The following IDS variants were observed in gnomAD, a reference collection of about 807,000 sequenced individuals.
IDS encodes the protein iduronate 2-sulfatase, also known as alpha-L-iduronate sulfate sulfatase.
Under a neutral mutation model 33.5 loss-of-function variants are expected in IDS, and 1 was observed. The ratio of observed to expected loss-of-function variants is 0.03; its 90% CI spans 0.01 to 0.14. The LOEUF is 0.14. Ranked by LOEUF, IDS falls within the 10% of genes least tolerant of loss-of-function variation. The pLI, the probability that IDS is intolerant of heterozygous loss-of-function variation, is 1.00. For synonymous variants in IDS, 191 were observed against 184.4 expected (o/e 1.04, Z -0.29); for missense variants, 328 against 448.0 (o/e 0.73, Z 2.42).
In IDS at chrX:149,494,484, G is replaced by A. The variant is rs923175145; in HGVS notation, c.879+1862C>T. Among the ~76,000 whole-genome samples, 3 of 111,673 alleles carry A rather than the reference G, an allele frequency of 2.7e-5. No individual in the cohort carries two copies. The East Asian group carries it at 8.5e-4, about 32-fold the overall frequency. On this transcript the variant is annotated intron_variant, in intron 6 of 8. Coordinates refer to ENST00000340855, the MANE Select transcript of IDS (RefSeq NM_000202.8). The stretch of plus-strand genomic sequence containing the variant: ...GGCTCATGTAGAGCTGAGTTAGAGG[G>A]CTGGAGCTGAAGAGATCCCAGAGCT...
chrX:149,504,906 AAAG>A, intron 1 of IDS, 126 bp downstream of exon 1: 1 of 486,199 alleles, frequency 2.1e-6, no homozygotes, highest in Non-Finnish European at 3.5e-6. Flanking sequence ...ATGATGGATG[AAAG>A]AAGGAATGGT....
chrX:149,487,589 C>A (rs1173679568), intron 7 of IDS, among the ~76,000 whole-genome samples: 6 of 112,253 alleles, frequency 5.3e-5, no homozygotes, highest in South Asian at 7.4e-4. Flanking sequence ...CTGCAACACA[C>A]TCGGCAAATT....
intron 4 of IDS, among the ~76,000 whole-genome samples, chrX:149,498,619 A>G (rs1002984608): frequency 8.8e-6 from 1 of 113,040 alleles, no homozygotes; most frequent in African/African-American, 3.2e-5. Flanking sequence ...AAAAATGCCA[A>G]TTAAAAATGG....
chrX:149,484,967 G>C (rs1195203776), intron 8 of IDS, among the ~76,000 whole-genome samples: 2 of 112,099 alleles, frequency 1.8e-5, no homozygotes, highest in Non-Finnish European at 3.8e-5. Flanking sequence ...TGGCCATGAA[G>C]TGCCCCCACC....
chrX:149,504,378 C>A, intron 1 of IDS, 85 bp from the exon 2 acceptor site: 1 of 1,010,242 alleles, frequency 9.9e-7, no homozygotes. Flanking sequence ...TACTAAGAGG[C>A]CCAAGGCTGG....
intron 6 of IDS, among the ~76,000 whole-genome samples, chrX:149,491,907 G>A (rs2124026025): frequency 8.9e-6 from 1 of 112,542 alleles, no homozygotes; most frequent in African/African-American, 3.2e-5. Context: ...ACACAGGTAT[G>A]CAGCATAAGA....
intron 7 of IDS, among the ~76,000 whole-genome samples, chrX:149,489,094 G>A (rs1283798639): frequency 2.7e-5 from 3 of 112,195 alleles, no homozygotes; most frequent in Non-Finnish European, 3.8e-5. Flanking sequence ...TGTAATCTAC[G>A]GCAACTGCCT....
At chrX:149,491,597 T>G (rs1443320958) in intron 6 of IDS, 1 of 999,931 alleles carries the variant, frequency 1.0e-6, no homozygotes, top group African/African-American at 1.9e-5. Context: ...AGGATTATGC[T>G]GAGCCCTGGC....
At chrX:149,502,795 C>G (rs2089490770) in intron 3 of IDS, 1 of 177,535 alleles carries the variant, frequency 5.6e-6, no homozygotes, top group Admixed American at 7.1e-5. Context: ...ATGTCCGTCT[C>G]TGGGACCCTA....
chrX:149,489,121 C>T (rs897080615), intron 7 of IDS, among the ~76,000 whole-genome samples: 1 of 111,911 alleles, frequency 8.9e-6, no homozygotes, highest in African/African-American at 3.3e-5. Flanking sequence ...AGAGTGTGTT[C>T]GTGGAGAAGA....
Position 149,484,474 on chromosome X carries a change from G to A in IDS, c.1181-1256C>T, listed in dbSNP as rs1270663. ...GTAGCTGGGATTACAGGCATGCACC[G>A]CCACACCCAGCTAATTTTTGTATTT... is the stretch of plus-strand genomic sequence containing the variant. On this transcript the variant is annotated intron_variant, in intron 8 of 8. Transcript: ENST00000340855. Among the ~76,000 whole-genome samples, 7 of 111,841 alleles carry A rather than the reference G, an allele frequency of 6.3e-5. No individual in the cohort carries two copies. In the East Asian group the frequency reaches 1.4e-3, roughly 22 times the overall value.
chrX:149,482,658 T>C lies in IDS; in HGVS notation c.*88A>G. On this transcript the variant is annotated 3_prime_UTR_variant, in exon 9 of 9. Transcript: ENST00000340855. ...AGCCCTCAGGCTGCTTCCAATATTA[T>C]GGGTAATCACAAAACGACCAGCTCT... The C allele has an allele frequency of 8.4e-7, 1 of 1,184,043 alleles. No homozygotes were observed. Among genetic ancestry groups the C allele is most frequent in the Admixed American group, 2.3e-5 (1 of 43,541 alleles).
chrX:149,499,049 C>T (rs1335783330), intron 4 of IDS, among the ~76,000 whole-genome samples: 3 of 112,118 alleles, frequency 2.7e-5, no homozygotes, highest in African/African-American at 9.8e-5. Context: ...GTACAATAGA[C>T]AATTATGCAG....
In IDS at chrX:149,487,172, T is replaced by C. The variant is rs1213870039; in HGVS notation, c.1007-74A>G. 20 of 1,206,871 alleles carry C rather than the reference T, an allele frequency of 1.7e-5. 1 individual carries two copies. Among genetic ancestry groups the C allele is most frequent in the South Asian group, 5.3e-5 (3 of 56,430 alleles). Reference sequence around the variant, plus strand: ...CACAGCTTGTTTATTTTAGATACCATTTCATTTCCTGTTGTAAAAACCAGA... The same window carrying C: ...CACAGCTTGTTTATTTTAGATACCACTTCATTTCCTGTTGTAAAAACCAGA... On this transcript the variant is annotated intron_variant, in intron 7 of 8. Coordinates refer to ENST00000340855, the MANE Select transcript of IDS (RefSeq NM_000202.8).
chrX:149,491,323 C>T (rs2089389365), intron 6 of IDS, among the ~76,000 whole-genome samples: 1 of 112,604 alleles, frequency 8.9e-6, no homozygotes, highest in South Asian at 3.7e-4. Context: ...TTGGGAACAG[C>T]CAGATCATGC....
rs782253027 is a variant in IDS, at chrX:149,498,367, GCTACAC to G, written c.508-66_508-61del. 1.8e-4 allele frequency: 172 copies of G among 931,316 alleles called. No individual in the cohort carries two copies. The South Asian group carries it at 3.3e-3, about 18-fold the overall frequency. 76.8% of individuals were successfully genotyped at this position (931,316 alleles called of 1,213,427 possible). ...AAGTGCAAGAAATGAAGCCATGAAGGCTACACACACAGATTTAATGTTCACATAATC... is the reference window on the plus strand; with the variant it reads ...AAGTGCAAGAAATGAAGCCATGAAGGACACAGATTTAATGTTCACATAATC... On this transcript the variant is annotated intron_variant, in intron 4 of 8. Coordinates refer to ENST00000340855, the MANE Select transcript of IDS (RefSeq NM_000202.8).
At chrX:149,490,165 T>C (rs1296432125) in intron 7 of IDS, 149 bp downstream of exon 7, 1 of 434,431 alleles carries the variant, frequency 2.3e-6, no homozygotes, top group African/African-American at 2.7e-5. Context: ...AAGCTGATCA[T>C]AAAAATGCCC....
Position 149,482,617 on chromosome X carries a change from C to A in IDS, c.*129G>T. ...ATATTCTCAGGCCAAATTGTTGATG[C>A]ATGTTTGGATTAACTAGCCCTCAGG... is the stretch of plus-strand genomic sequence containing the variant. On this transcript the variant is annotated 3_prime_UTR_variant, in exon 9 of 9. Transcript: ENST00000340855. The A allele has an allele frequency of 1.9e-6, 2 of 1,041,917 alleles. No homozygotes were observed. Among genetic ancestry groups the A allele is most frequent in the African/African-American group, 1.9e-5 (1 of 53,986 alleles). The allele number at this position is 1,041,917 out of a possible 1,213,427, so 85.9% of individuals were successfully genotyped here.
chrX:149,504,962 G>A (rs2089512829), intron 1 of IDS, 73 bp downstream of exon 1: 1 of 765,997 alleles, frequency 1.3e-6, no homozygotes, highest in South Asian at 2.2e-5. Context: ...AACAAAGAAG[G>A]AAGGAAAGAA....
Sources: gnomAD v4.1 joint callset for allele counts (sites outside exome capture counted in the v4.1 genomes callset) on GRCh38, gnomAD v4.1.1 for gene constraint, MANE v1.5 for transcripts, NCBI Gene and HGNC (gene_info 2026-07-23, HGNC 2026-07-21) for gene names.